Variants in AGBL4 observed in about 807,000 individuals in gnomAD.
AGBL4 encodes AGBL carboxypeptidase 4, also known as cytosolic carboxypeptidase 6.
A neutral mutation model predicts 66.4 loss-of-function variants in AGBL4; 58 were observed. The ratio of observed to expected loss-of-function variants is 0.87; its 90% CI spans 0.71 to 1.09. AGBL4 has a LOEUF of 1.09. Ranked by LOEUF, AGBL4 falls within the 50% of genes least tolerant of loss-of-function variation. The pLI, the probability that AGBL4 is intolerant of heterozygous loss-of-function variation, is 0.00. For synonymous variants in AGBL4, 234 were observed against 222.9 expected, an observed-to-expected ratio of 1.05 and a Z score of -0.44; for missense variants, 579 against 631.0, an observed-to-expected ratio of 0.92 and a Z score of 0.88.
intron 11 of AGBL4, among the ~76,000 whole-genome samples, chr1:48,541,020 C>T (rs1557772186): frequency 6.6e-6 from 1 of 152,214 alleles, no homozygotes; most frequent in South Asian, 2.1e-4. Flanking sequence ...CCGTACTGTT[C>T]ATAGTCAGGT....
chr1:49,598,654 C>T (rs557088662), intron 3 of AGBL4, among the ~76,000 whole-genome samples: 3 of 152,116 alleles, frequency 2.0e-5, no homozygotes, highest in Non-Finnish European at 4.4e-5. Context: ...TTAGGCTGCT[C>T]GGGGGTCAGG....
At chr1:49,185,223 T>C (rs1646994602) in intron 4 of AGBL4, among the ~76,000 whole-genome samples, 1 of 152,128 alleles carries the variant, frequency 6.6e-6, no homozygotes, top group Non-Finnish European at 1.5e-5. Flanking sequence ...TCTGTCCCCA[T>C]AGAAAATCCA....
intron 4 of AGBL4, among the ~76,000 whole-genome samples, chr1:49,139,272 A>G (rs1392083292): frequency 2.0e-5 from 3 of 152,164 alleles, no homozygotes; most frequent in Non-Finnish European, 4.4e-5. Flanking sequence ...GCAATAATTC[A>G]GGCAAACCTC....
intron 1 of AGBL4, among the ~76,000 whole-genome samples, chr1:49,922,674 C>G (rs1444572008): frequency 6.6e-6 from 1 of 152,058 alleles, no homozygotes; most frequent in Admixed American, 6.5e-5. Context: ...CAACAACAGC[C>G]AAGCCAAGAG....
chr1:48,984,433 G>C (rs1660012318), intron 5 of AGBL4, among the ~76,000 whole-genome samples: 1 of 150,422 alleles, frequency 6.6e-6, no homozygotes, highest in African/African-American at 2.4e-5. Flanking sequence ...GCAGGGCTTT[G>C]GCTAGTATGT....
intron 1 of AGBL4, among the ~76,000 whole-genome samples, chr1:49,880,454 C>A (rs1246900279): frequency 2.6e-5 from 4 of 152,092 alleles, no homozygotes; most frequent in Non-Finnish European, 2.9e-5. Context: ...CTGGGGGGTG[C>A]CTCCCAGTTA....
At chr1:49,950,215 T>C (rs1488134510) in intron 1 of AGBL4, among the ~76,000 whole-genome samples, 2 of 149,020 alleles carry the variant, frequency 1.3e-5, no homozygotes, top group Non-Finnish European at 3.0e-5. Context: ...TGAATACTAC[T>C]CTGCCATAAA....
At chr1:49,201,722 G>A (rs1280963770) in intron 4 of AGBL4, among the ~76,000 whole-genome samples, 3 of 152,156 alleles carry the variant, frequency 2.0e-5, no homozygotes, top group Admixed American at 6.6e-5. Flanking sequence ...GAAATTTCTT[G>A]TATAAAGTTG....
intron 2 of AGBL4, chr1:49,841,852 G>A (rs904047610): frequency 4.6e-5 from 23 of 504,058 alleles, no homozygotes; most frequent in Admixed American, 1.2e-4. Flanking sequence ...ACAGTCAGGC[G>A]GAGCAGGGGC....
intron 6 of AGBL4, among the ~76,000 whole-genome samples, chr1:48,766,902 T>G (rs1046966435): frequency 1.2e-4 from 18 of 152,234 alleles, no homozygotes; most frequent in African/African-American, 3.6e-4. Flanking sequence ...CCTTGTGTTT[T>G]TGGTCCTTAC....
In AGBL4 at chr1:49,091,468, G is replaced by C. The variant is rs1347534069; in HGVS notation, c.378-45668C>G. On this transcript the variant is annotated intron_variant, in intron 4 of 13. Coordinates refer to ENST00000371839, the MANE Select transcript of AGBL4 (RefSeq NM_032785.4). ...TGAACATCACTAATCATTAGAGAAA[G>C]GCAAATAAAAATCACAATAAGATAT... is the stretch of plus-strand genomic sequence containing the variant. 2.6e-5 allele frequency among the ~76,000 whole-genome samples: 4 copies of C among 151,842 alleles called. No homozygotes were observed. In the East Asian group the frequency reaches 7.7e-4, roughly 29 times the overall value.
intron 3 of AGBL4, among the ~76,000 whole-genome samples, chr1:49,450,316 A>G (rs1646250258): frequency 6.6e-6 from 1 of 152,110 alleles, no homozygotes; most frequent in African/African-American, 2.4e-5. Flanking sequence ...CACAAGATAA[A>G]CACACTCATA....
chr1:49,375,195 T>A (rs1215444888), intron 3 of AGBL4, among the ~76,000 whole-genome samples: 2 of 152,096 alleles, frequency 1.3e-5, no homozygotes, highest in Non-Finnish European at 2.9e-5. Flanking sequence ...GATTCAGACA[T>A]GATACCTGCC....
chr1:48,767,913 T>C (rs1431111461), intron 6 of AGBL4, among the ~76,000 whole-genome samples: 1 of 152,184 alleles, frequency 6.6e-6, no homozygotes, highest in African/African-American at 2.4e-5. Context: ...CAACAAATAC[T>C]GAGTGAGCAC....
intron 3 of AGBL4, among the ~76,000 whole-genome samples, chr1:49,631,546 G>T (rs922141101): frequency 8.5e-5 from 13 of 152,080 alleles, no homozygotes; most frequent in African/African-American, 3.1e-4. Flanking sequence ...TTTCATCATT[G>T]ATGAAATCCT....
At chr1:49,754,074 A>G (rs1410415716) in intron 2 of AGBL4, among the ~76,000 whole-genome samples, 3 of 152,256 alleles carry the variant, frequency 2.0e-5, no homozygotes, top group East Asian at 1.9e-4. Flanking sequence ...ACTTCTGTCA[A>G]TTCATCAAAC....
At chr1:49,127,441 AAAGAAG>A (rs1163477073) in intron 4 of AGBL4, among the ~76,000 whole-genome samples, 1 of 152,140 alleles carries the variant, frequency 6.6e-6, no homozygotes, top group Non-Finnish European at 1.5e-5. Flanking sequence ...TGAAAATTTA[AAAGAAG>A]AAGATATATA....
intron 5 of AGBL4, among the ~76,000 whole-genome samples, chr1:48,911,362 A>C (rs1653078996): frequency 6.6e-6 from 1 of 152,136 alleles, no homozygotes; most frequent in African/African-American, 2.4e-5. Flanking sequence ...TCATGCCTGT[A>C]ATCCCAGCAC....
intron 2 of AGBL4, among the ~76,000 whole-genome samples, chr1:49,745,246 C>T (rs1302264174): frequency 6.6e-6 from 1 of 151,994 alleles, no homozygotes; most frequent in East Asian, 1.9e-4. Flanking sequence ...CAGTAGTTCT[C>T]CTTTATCTGA....
Sources: gnomAD v4.1 joint callset for allele counts (sites outside exome capture counted in the v4.1 genomes callset) on GRCh38, gnomAD v4.1.1 for gene constraint, MANE v1.5 for transcripts, NCBI Gene and HGNC (gene_info 2026-07-23, HGNC 2026-07-21) for gene names.